The following ADAT2 variants were observed in gnomAD, a reference collection of about 807,000 sequenced individuals.
ADAT2 encodes the protein tRNA-specific adenosine-34 deaminase catalytic subunit ADAT2.
In ADAT2, 26 loss-of-function variants were observed where a neutral mutation model predicts 25.9. That is an observed-to-expected ratio of 1.00 (90% CI 0.74 to 1.39). ADAT2 has a LOEUF of 1.39. Among genes scored for constraint, ADAT2 ranks in the 40% most tolerant of loss-of-function variants. The probability of loss-of-function intolerance (pLI) is 0.00; values close to 1 mark genes in which losing one functional copy is unlikely to be tolerated. For synonymous variants in ADAT2, 76 were observed against 86.8 expected (o/e 0.88, Z 0.69); for missense variants, 220 against 244.8 (o/e 0.90, Z 0.68).
At position 143,442,802 on chromosome 6, in the gene ADAT2, C is replaced by T. The variant is rs1261102708; in HGVS notation, c.97-4108G>A. ...TGTTACGGACAATCCCAGAAAAACA[C>T]TAGGCCAAGAAGGAAGGGTGGTCAA... On this transcript the variant is annotated intron_variant, in intron 1 of 5. Coordinates refer to ENST00000237283, the MANE Select transcript of ADAT2 (RefSeq NM_182503.3). The surrounding 1 kb of genome is among the most constrained non-coding windows in gnomAD (Gnocchi z 4.6). Among the ~76,000 whole-genome samples, 7 of 152,112 alleles carry T rather than the reference C, an allele frequency of 4.6e-5. No individual in the cohort carries two copies. Among genetic ancestry groups the T allele is most frequent in the Non-Finnish European group, 1.0e-4 (7 of 68,016 alleles).
intron 2 of ADAT2, 31 bp downstream of exon 2, chr6:143,438,559 T>C: frequency 1.3e-6 from 2 of 1,538,308 alleles, no homozygotes; most frequent in South Asian, 2.2e-5. Context: ...CACTACTGTA[T>C]GTTTGCAATT....
In ADAT2 at chr6:143,432,699, G is replaced by T. The variant is rs1473983614; in HGVS notation, c.353-88C>A. ...GAGTAGGTTTATACCAGCCATCCTG[G>T]AGAGGAACGCTCATGCTACTCTTCA... is the stretch of plus-strand genomic sequence containing the variant. On this transcript the variant is annotated intron_variant, in intron 3 of 5. Coordinates refer to ENST00000237283, the MANE Select transcript of ADAT2 (RefSeq NM_182503.3). This position sits in a 1 kb window ranked among gnomAD's most constrained non-coding sequence, Gnocchi z 4.4. 5 of 1,241,402 alleles carry T rather than the reference G, an allele frequency of 4.0e-6. No homozygotes were observed. Among genetic ancestry groups the T allele is most frequent in the Non-Finnish European group, 3.5e-6 (3 of 850,330 alleles). The allele number at this position is 1,241,402 out of a possible 1,614,324, so 76.9% of individuals were successfully genotyped here. A position where few individuals can be genotyped will look rare whatever the true frequency, so the allele number is the denominator to read the frequency against.
rs1359783741 is a variant in ADAT2, at chr6:143,437,383, T to G, written c.201+1207A>C. Reference sequence around the variant, plus strand: ...TTAAAGTTAAGTTAGATCATCTTCATGTAGCCTTATTGGTTGTTATTTCAT... The same window carrying G: ...TTAAAGTTAAGTTAGATCATCTTCAGGTAGCCTTATTGGTTGTTATTTCAT... On this transcript the variant is annotated intron_variant, in intron 2 of 5. Coordinates refer to ENST00000237283, the MANE Select transcript of ADAT2 (RefSeq NM_182503.3). This position sits in a 1 kb window ranked among gnomAD's most constrained non-coding sequence, Gnocchi z 4.1. Among the ~76,000 whole-genome samples, 1 of 152,222 alleles carries G rather than the reference T, an allele frequency of 6.6e-6. No homozygotes were observed. The highest frequency in any genetic ancestry group is 1.5e-5 in the Non-Finnish European group (1 of 68,016).
At chr6:143,435,738 C>T (rs1035272403) in intron 2 of ADAT2, among the ~76,000 whole-genome samples, 35 of 152,184 alleles carry the variant, frequency 2.3e-4, no homozygotes, top group African/African-American at 7.7e-4. Flanking sequence ...TGTGATTCAA[C>T]ATGAATGTAA....
chr6:143,431,533 C>T (rs985634299), intron 4 of ADAT2, among the ~76,000 whole-genome samples: 2 of 152,200 alleles, frequency 1.3e-5, no homozygotes, highest in Non-Finnish European at 2.9e-5. Flanking sequence ...CTTTACTCTC[C>T]ATCATTGCAT....
Position 143,444,866 on chromosome 6 carries a change from A to G in ADAT2, c.96+5697T>C, listed in dbSNP as rs1779557482. 2 of 1,171,940 alleles carry G rather than the reference A, an allele frequency of 1.7e-6. No homozygotes were observed. Among genetic ancestry groups the G allele is most frequent in the Admixed American group, 2.6e-5 (1 of 38,802 alleles). 72.6% of individuals were successfully genotyped at this position (1,171,940 alleles called of 1,614,324 possible). ...GTAGTTTATTATTTTCTCCAAAGAC[A>G]TTACTACTATAAACTGCTTTCTAGT... On this transcript the variant is annotated intron_variant, in intron 1 of 5. Coordinates refer to ENST00000237283, the MANE Select transcript of ADAT2 (RefSeq NM_182503.3). The surrounding 1 kb of genome is among the most constrained non-coding windows in gnomAD (Gnocchi z 4.3).
chr6:143,429,741 T>C (rs148853121), intron 4 of ADAT2, among the ~76,000 whole-genome samples: 280 of 152,242 alleles, frequency 1.8e-3, no homozygotes, highest in African/African-American at 6.3e-3. Flanking sequence ...ACAATGAGCA[T>C]CTGGAAGGAA....
intron 1 of ADAT2, among the ~76,000 whole-genome samples, chr6:143,448,294 C>A (rs1779655322): frequency 6.6e-6 from 1 of 151,984 alleles, no homozygotes; most frequent in African/African-American, 2.4e-5. Flanking sequence ...GGAGATATAC[C>A]TAATGTAAAT....
rs939864729 is a variant in ADAT2, at chr6:143,442,094, G to A, written c.97-3400C>T. On this transcript the variant is annotated intron_variant, in intron 1 of 5. Transcript: ENST00000237283. This position sits in a 1 kb window ranked among gnomAD's most constrained non-coding sequence, Gnocchi z 4.6. ...GAAAACCTATGCTCACACAATGTAT[G>A]TCTGTGTGCACAAATATTCATAACA... The A allele has an allele frequency of 1.3e-5, 2 of 152,212 alleles. No individual in the cohort carries two copies. The highest frequency in any genetic ancestry group is 2.9e-5 in the Non-Finnish European group (2 of 68,028). 9.4% of individuals were successfully genotyped at this position (152,212 alleles called of 1,614,324 possible).
intron 2 of ADAT2, among the ~76,000 whole-genome samples, chr6:143,438,224 A>G (rs527543602): frequency 7.2e-5 from 11 of 152,336 alleles, no homozygotes; most frequent in Admixed American, 6.5e-4. Flanking sequence ...AAAATTTCAT[A>G]TATTAGATTG....
Position 143,433,958 on chromosome 6 carries a change from C to T in ADAT2, c.225G>A (p.Val75=), listed in dbSNP as rs772437496. 3.7e-6 allele frequency: 6 copies of T among 1,614,072 alleles called. No homozygotes were observed. The highest frequency in any genetic ancestry group is 5.1e-6 in the Non-Finnish European group (6 of 1,180,018). ...ACCAATCGAGGACCTGATCGATGGC[C>T]ACCATTTCTGCATGTCGAGTAGCCT... is the stretch of plus-strand genomic sequence containing the variant. ...TKNATRHAEM[V]AIDQVLDWCR... The change falls in exon 3 of 6, where the codon GTG becomes GTA. Residue 75 remains valine (V), a synonymous_variant. Coordinates refer to ENST00000237283, the MANE Select transcript of ADAT2 (RefSeq NM_182503.3).
Position 143,438,734 on chromosome 6 carries a change from T to C in ADAT2, c.97-40A>G, listed in dbSNP as rs746743553. On this transcript the variant is annotated intron_variant, in intron 1 of 5. Coordinates refer to ENST00000237283, the MANE Select transcript of ADAT2 (RefSeq NM_182503.3). ...GGAAAATGTAAGACGTAATACTCCA[T>C]ACTTGAAGAGAGTATAGGAGAGAAA... is the stretch of plus-strand genomic sequence containing the variant. The C allele has an allele frequency of 1.5e-4, 220 of 1,504,872 alleles. 3 individuals carry two copies. The South Asian group carries it at 2.4e-3, about 16-fold the overall frequency. The allele number at this position is 1,504,872 out of a possible 1,614,324, so 93.2% of individuals were successfully genotyped here.
In ADAT2 at chr6:143,442,849, G is replaced by A. The variant is rs1779501326; in HGVS notation, c.97-4155C>T. 1.3e-5 allele frequency among the ~76,000 whole-genome samples: 2 copies of A among 152,152 alleles called. No homozygotes were observed. The highest frequency in any genetic ancestry group is 2.9e-5 in the Non-Finnish European group (2 of 68,020). ...TCAAGTGTGTCTAATTCAGCAAGGT[G>A]GTGGCAATTTAGGTGGAATGGTGGA... is the stretch of plus-strand genomic sequence containing the variant. On this transcript the variant is annotated intron_variant, in intron 1 of 5. Coordinates refer to ENST00000237283, the MANE Select transcript of ADAT2 (RefSeq NM_182503.3). This position sits in a 1 kb window ranked among gnomAD's most constrained non-coding sequence, Gnocchi z 4.6.
Position 143,442,715 on chromosome 6 carries a change from C to CAA in ADAT2, c.97-4023_97-4022dup, listed in dbSNP as rs915344405. On this transcript the variant is annotated intron_variant, in intron 1 of 5. Transcript: ENST00000237283. The surrounding 1 kb of genome is among the most constrained non-coding windows in gnomAD (Gnocchi z 4.6). ...AAGTTAAAAAATAAGTACAGGTAAA[C>CAA]AAAAAGGATTTTGCAATGGGAATTA... Among the ~76,000 whole-genome samples the CAA allele has an allele frequency of 1.3e-5, 2 of 152,034 alleles. No homozygotes were observed. The highest frequency in any genetic ancestry group is 2.9e-5 in the Non-Finnish European group (2 of 67,974).
chr6:143,428,256 T>C lies in ADAT2; in HGVS notation c.*207A>G. On this transcript the variant is annotated 3_prime_UTR_variant, in exon 6 of 6. Coordinates refer to ENST00000237283, the MANE Select transcript of ADAT2 (RefSeq NM_182503.3). This position sits in a 1 kb window ranked among gnomAD's most constrained non-coding sequence, Gnocchi z 5.0. ...CCCCCATCTTAAAATGGGAATCAGC[T>C]TCTGGAAAAGCTAATAACTGTTTAC... 1.7e-6 allele frequency: 1 copy of C among 605,306 alleles called. No individual in the cohort carries two copies. Among genetic ancestry groups the C allele is most frequent in the Non-Finnish European group, 2.9e-6 (1 of 350,800 alleles). 37.5% of individuals were successfully genotyped at this position (605,306 alleles called of 1,614,324 possible).
In ADAT2 at chr6:143,432,127, G is replaced by A. The variant is rs891702056; in HGVS notation, c.459+378C>T. On this transcript the variant is annotated intron_variant, in intron 4 of 5. Coordinates refer to ENST00000237283, the MANE Select transcript of ADAT2 (RefSeq NM_182503.3). The surrounding 1 kb of genome is among the most constrained non-coding windows in gnomAD (Gnocchi z 4.4). ...GTGTGTGCTGTAAATAGTCTCTAGC[G>A]TCACTGACACAGGCCAAGCATCACC... 3.3e-5 allele frequency among the ~76,000 whole-genome samples: 5 copies of A among 152,234 alleles called. No homozygotes were observed. Among genetic ancestry groups the A allele is most frequent in the African/African-American group, 4.8e-5 (2 of 41,454 alleles).
At chr6:143,445,352 A>T (rs1044468138) in intron 1 of ADAT2, among the ~76,000 whole-genome samples, 2 of 152,060 alleles carry the variant, frequency 1.3e-5, no homozygotes, top group East Asian at 3.9e-4. Context: ...GCACACGCAC[A>T]TAATATTTTA....
chr6:143,432,423 G>T lies in ADAT2; in HGVS notation c.459+82C>A. On this transcript the variant is annotated intron_variant, in intron 4 of 5. Coordinates refer to ENST00000237283, the MANE Select transcript of ADAT2 (RefSeq NM_182503.3). This position sits in a 1 kb window ranked among gnomAD's most constrained non-coding sequence, Gnocchi z 4.4. ...TTCTATCATCGTTTCTTCGTATACTGGCCACACACTAGTTATTCACAAGCC... is the reference window on the plus strand; with the variant it reads ...TTCTATCATCGTTTCTTCGTATACTTGCCACACACTAGTTATTCACAAGCC... 1 of 1,257,542 alleles carries T rather than the reference G, an allele frequency of 8.0e-7. No homozygotes were observed. Among genetic ancestry groups the T allele is most frequent in the Non-Finnish European group, 1.2e-6 (1 of 865,048 alleles). The allele number at this position is 1,257,542 out of a possible 1,614,324, so 77.9% of individuals were successfully genotyped here.
intron 1 of ADAT2, among the ~76,000 whole-genome samples, chr6:143,443,330 CAG>C (rs1248353434): frequency 6.6e-6 from 1 of 152,154 alleles, no homozygotes; most frequent in African/African-American, 2.4e-5. Context: ...TTAGTAACAA[CAG>C]ACACTTCACC....
Sources: gnomAD v4.1 joint callset for allele counts (sites outside exome capture counted in the v4.1 genomes callset) on GRCh38, gnomAD v4.1.1 for gene constraint, Gnocchi (gnomAD v3.1) non-coding constraint, MANE v1.5 for transcripts, NCBI Gene and HGNC (gene_info 2026-07-23, HGNC 2026-07-21) for gene names.